The following PIP4K2A variants were observed in gnomAD, a reference collection of about 807,000 sequenced individuals.
The protein encoded by PIP4K2A is phosphatidylinositol-5-phosphate 4-kinase type 2 alpha, also known as phosphatidylinositol 5-phosphate 4-kinase type-2 alpha.
Under a neutral mutation model 42.9 loss-of-function variants are expected in PIP4K2A, and 14 were observed. That is an observed-to-expected ratio of 0.33 (90% CI 0.22 to 0.51). The LOEUF is 0.51. PIP4K2A is among the 20% of genes least tolerant of loss of function. The pLI, the probability that PIP4K2A is intolerant of heterozygous loss-of-function variation, is 0.97. For synonymous variants in PIP4K2A, 192 were observed against 192.2 expected, an observed-to-expected ratio of 1.00 and a Z score of 0.01; for missense variants, 434 against 519.8, an observed-to-expected ratio of 0.83 and a Z score of 1.61.
intron 4 of PIP4K2A, among the ~76,000 whole-genome samples, chr10:22,575,044 T>C (rs1018142515): frequency 6.6e-6 from 1 of 152,122 alleles, no homozygotes; most frequent in Non-Finnish European, 1.5e-5. Flanking sequence ...TGTGAGATCT[T>C]GGGCAAGTTA....
chr10:22,645,218 G>A (rs1412253719), intron 1 of PIP4K2A, among the ~76,000 whole-genome samples: 2 of 152,130 alleles, frequency 1.3e-5, no homozygotes, highest in South Asian at 2.1e-4. Flanking sequence ...TAATGCTCAC[G>A]TATAACACCA....
At chr10:22,562,969 T>G (rs114577889) in intron 6 of PIP4K2A, among the ~76,000 whole-genome samples, 1 of 152,130 alleles carries the variant, frequency 6.6e-6, no homozygotes, top group African/African-American at 2.4e-5. Flanking sequence ...GGGAGCCAGA[T>G]TGCAGCAGGT....
intron 6 of PIP4K2A, among the ~76,000 whole-genome samples, chr10:22,555,030 C>T (rs1212028708): frequency 6.6e-6 from 1 of 152,234 alleles, no homozygotes; most frequent in African/African-American, 2.4e-5. Flanking sequence ...CGTGTAAATG[C>T]ACAAACACAG....
At chr10:22,666,072 C>T (rs1839344956) in intron 1 of PIP4K2A, among the ~76,000 whole-genome samples, 1 of 151,630 alleles carries the variant, frequency 6.6e-6, no homozygotes, top group Non-Finnish European at 1.5e-5. Context: ...GTTGCCTTGC[C>T]ACCTATCTTT....
At chr10:22,700,910 A>G (rs952956609) in intron 1 of PIP4K2A, among the ~76,000 whole-genome samples, 1 of 152,262 alleles carries the variant, frequency 6.6e-6, no homozygotes, top group Non-Finnish European at 1.5e-5. Context: ...GAACATGTCC[A>G]TAAGAATGGA....
intron 1 of PIP4K2A, among the ~76,000 whole-genome samples, chr10:22,626,478 G>T (rs1838440843): frequency 1.3e-5 from 2 of 152,172 alleles, no homozygotes; most frequent in Admixed American, 1.3e-4. Context: ...CGAGGATATT[G>T]TTTATAAGAC....
chr10:22,584,151 G>C (rs1265544021), intron 4 of PIP4K2A, among the ~76,000 whole-genome samples: 1 of 152,168 alleles, frequency 6.6e-6, no homozygotes, highest in African/African-American at 2.4e-5. Context: ...GAATTACAGA[G>C]GTGGGAACTC....
chr10:22,614,193 C>T (rs930072183), intron 1 of PIP4K2A, among the ~76,000 whole-genome samples: 4 of 152,132 alleles, frequency 2.6e-5, no homozygotes, highest in Non-Finnish European at 4.4e-5. Flanking sequence ...ACCAGACTAC[C>T]CCAAGAGGTA....
Position 22,541,802 on chromosome 10 carries a change from A to C in PIP4K2A, c.1036+2T>G, listed in dbSNP as rs1836120791. On this transcript the variant is annotated splice_donor_variant, in intron 8 of 9. Coordinates refer to ENST00000376573, the MANE Select transcript of PIP4K2A (RefSeq NM_005028.5). LOFTEE classifies it high-confidence loss of function. ...AAAAGGGTCCACAGTAATCAAACTT[A>C]CTTTCATGGCACTTAATTCCATAGA... 1 of 1,538,972 alleles carries C rather than the reference A, an allele frequency of 6.5e-7. No homozygotes were observed. The highest frequency in any genetic ancestry group is 8.7e-7 in the Non-Finnish European group (1 of 1,145,000).
At chr10:22,686,542 T>A (rs905325204) in intron 1 of PIP4K2A, among the ~76,000 whole-genome samples, 2 of 152,200 alleles carry the variant, frequency 1.3e-5, no homozygotes, top group African/African-American at 2.4e-5. Flanking sequence ...AGTGTTGCAA[T>A]CAAAGCTCAA....
intron 1 of PIP4K2A, among the ~76,000 whole-genome samples, chr10:22,654,710 G>C (rs1371475599): frequency 1.3e-5 from 2 of 152,212 alleles, no homozygotes; most frequent in African/African-American, 4.8e-5. Flanking sequence ...TGGGAGACCA[G>C]GGTTGTATAA....
At chr10:22,658,227 A>G (rs1839139202) in intron 1 of PIP4K2A, among the ~76,000 whole-genome samples, 1 of 152,274 alleles carries the variant, frequency 6.6e-6, no homozygotes, top group Non-Finnish European at 1.5e-5. Flanking sequence ...CATTTTGGAA[A>G]AATACTATAG....
chr10:22,539,319 T>A (rs1268597420), intron 9 of PIP4K2A: 1 of 152,242 alleles, frequency 6.6e-6, no homozygotes, highest in South Asian at 2.1e-4. Flanking sequence ...TACTATCTCT[T>A]TCATAGGCTT....
At chr10:22,599,059 C>T (rs746347350) in intron 3 of PIP4K2A, among the ~76,000 whole-genome samples, 2 of 149,356 alleles carry the variant, frequency 1.3e-5, no homozygotes, top group Non-Finnish European at 3.0e-5. Context: ...AAAACTGTCT[C>T]TTATCGAATA....
At chr10:22,660,853 G>A (rs1422952873) in intron 1 of PIP4K2A, among the ~76,000 whole-genome samples, 1 of 151,766 alleles carries the variant, frequency 6.6e-6, no homozygotes, top group Non-Finnish European at 1.5e-5. Context: ...TACAATGGTG[G>A]ATACCTGTCA....
In PIP4K2A at chr10:22,565,278, C is replaced by A. The variant is rs986525283; in HGVS notation, c.678+2573G>T. Among the ~76,000 whole-genome samples, 10 of 152,348 alleles carry A rather than the reference C, an allele frequency of 6.6e-5. 2 individuals carry two copies. The highest frequency in any genetic ancestry group is 2.1e-4 in the South Asian group (1 of 4,830). On this transcript the variant is annotated intron_variant, in intron 6 of 9. Transcript: ENST00000376573. ...CCTACTGGATATCTCTGTTCTGACGCCGCACTGACTGTTGGGGGAAGTCAG... is the reference window on the plus strand; with the variant it reads ...CCTACTGGATATCTCTGTTCTGACGACGCACTGACTGTTGGGGGAAGTCAG...
chr10:22,594,144 G>T (rs1341203609), intron 3 of PIP4K2A, among the ~76,000 whole-genome samples: 2 of 152,164 alleles, frequency 1.3e-5, no homozygotes, highest in African/African-American at 2.4e-5. Flanking sequence ...GACCACACAT[G>T]AGAACCAAGG....
intron 1 of PIP4K2A, among the ~76,000 whole-genome samples, chr10:22,664,154 C>CATATATATATACATATATATACACAT (rs1839288326): frequency 4.8e-4 from 30 of 62,276 alleles, no homozygotes; most frequent in Middle Eastern, 6.8e-3. Flanking sequence ...TATATATACA[C>CATATATATATACATATATATACACAT]ATATATATAT....
chr10:22,593,275 G>C (rs1837554611), intron 3 of PIP4K2A, among the ~76,000 whole-genome samples: 1 of 152,150 alleles, frequency 6.6e-6, no homozygotes, highest in Non-Finnish European at 1.5e-5. Context: ...AGGCGCACCT[G>C]CCAGATGCAG....
Sources: allele counts gnomAD v4.1 joint callset (sites outside exome capture counted in the v4.1 genomes callset), GRCh38; gene constraint gnomAD v4.1.1; transcripts MANE v1.5; gene names NCBI Gene and HGNC (gene_info 2026-07-23, HGNC 2026-07-21).